PCDHGA6: variants seen among roughly 807,000 people sequenced by gnomAD.
PCDHGA6 encodes the protein protocadherin gamma-A6.
A neutral mutation model predicts 60.6 loss-of-function variants in PCDHGA6; 41 were observed. That is an observed-to-expected ratio of 0.68 (90% CI 0.53 to 0.88). PCDHGA6 has a LOEUF of 0.88. Ranked by LOEUF, PCDHGA6 falls within the 40% of genes least tolerant of loss-of-function variation. The pLI is 0.00. For synonymous variants in PCDHGA6, 594 were observed against 524.4 expected, an observed-to-expected ratio of 1.13 and a Z score of -1.81; for missense variants, 1,312 against 1,203.0, an observed-to-expected ratio of 1.09 and a Z score of -1.34.
chr5:141,464,519 A>G (rs974292961), intron 1 of PCDHGA6, among the ~76,000 whole-genome samples: 21 of 152,058 alleles, frequency 1.4e-4, no homozygotes, highest in African/African-American at 4.1e-4. Context: ...AGGTAAAGGC[A>G]TATGTAGTTT....
intron 1 of PCDHGA6, among the ~76,000 whole-genome samples, chr5:141,488,541 T>C (rs2099676694): frequency 6.6e-6 from 1 of 152,184 alleles, no homozygotes; most frequent in South Asian, 2.1e-4. Flanking sequence ...CTAAGTCCCA[T>C]GTCAGCTGAC....
chr5:141,480,429 T>C (rs72790066), intron 1 of PCDHGA6, among the ~76,000 whole-genome samples: 4 of 151,864 alleles, frequency 2.6e-5, no homozygotes, highest in African/African-American at 9.7e-5. Flanking sequence ...AAAAAAATTA[T>C]CAGCTATTAC....
Position 141,431,278 on chromosome 5 carries a change from C to A in PCDHGA6, c.2424+54771C>A, listed in dbSNP as rs755533628. On this transcript the variant is annotated intron_variant, in intron 1 of 3. Transcript: ENST00000517434. The surrounding 1 kb of genome is among the most constrained non-coding windows in gnomAD (Gnocchi z 4.8). ...ACTCTCTGCAGAGCTACGAGCTCAG[C>A]CCGAACACTCACTTCTCCCTCATCG... 6.2e-7 allele frequency: 1 copy of A among 1,614,170 alleles called. No individual in the cohort carries two copies. The highest frequency in any genetic ancestry group is 8.5e-7 in the Non-Finnish European group (1 of 1,180,038).
chr5:141,383,692 C>T (rs1779370134), intron 1 of PCDHGA6: 4 of 1,613,888 alleles, frequency 2.5e-6, no homozygotes, highest in Non-Finnish European at 2.5e-6. Flanking sequence ...GCTCACGGTA[C>T]ATGCTATCGA....
intron 1 of PCDHGA6, chr5:141,395,508 A>T: frequency 2.2e-6 from 1 of 461,184 alleles, no homozygotes. Context: ...CTTAAGAAGT[A>T]GCTACCCGTC....
At chr5:141,389,283 G>C in intron 1 of PCDHGA6, 1 of 1,614,022 alleles carries the variant, frequency 6.2e-7, no homozygotes. Flanking sequence ...CCCGCCTGGA[G>C]CCTCTATTTC....
chr5:141,408,833 A>G, intron 1 of PCDHGA6: 1 of 1,613,704 alleles, frequency 6.2e-7, no homozygotes, highest in Non-Finnish European at 8.5e-7. Context: ...TCATAGCTTG[A>G]TATTGACTGC....
chr5:141,414,306 T>A lies in PCDHGA6; in HGVS notation c.2424+37799T>A, dbSNP rs778408885. The A allele has an allele frequency of 6.2e-6, 10 of 1,613,584 alleles. No homozygotes were observed. The Admixed American group carries it at 1.2e-4, about 19-fold the overall frequency. Reference sequence around the variant, plus strand: ...TCGTAGCCCTTTTAAATGTGCATGATTTAGACTCTGAGCAGAATGGACAGG... The same window carrying A: ...TCGTAGCCCTTTTAAATGTGCATGAATTAGACTCTGAGCAGAATGGACAGG... On this transcript the variant is annotated intron_variant, in intron 1 of 3. Coordinates refer to ENST00000517434, the MANE Select transcript of PCDHGA6 (RefSeq NM_018919.3).
In PCDHGA6 at chr5:141,413,327, A is replaced by T. The variant is rs200027912; in HGVS notation, c.2424+36820A>T. ...TTAGAGAAAGGCTCTTTCGTGGGCA[A>T]CATCTCCAAGGACTTGGGTCTGGCG... On this transcript the variant is annotated intron_variant, in intron 1 of 3. Transcript: ENST00000517434. The T allele has an allele frequency of 2.6e-4, 421 of 1,613,984 alleles. 1 individual carries two copies. The highest frequency in any genetic ancestry group is 1.1e-3 in the South Asian group (96 of 91,090).
chr5:141,490,288 G>T lies in PCDHGA6; in HGVS notation c.2425-4519G>T, dbSNP rs2099698282. 1.2e-6 allele frequency: 2 copies of T among 1,614,080 alleles called. No homozygotes were observed. Among genetic ancestry groups the T allele is most frequent in the South Asian group, 1.1e-5 (1 of 91,092 alleles). On this transcript the variant is annotated intron_variant, in intron 1 of 3. Transcript: ENST00000517434. This position sits in a 1 kb window ranked among gnomAD's most constrained non-coding sequence, Gnocchi z 5.4. ...GGATGTCAATGACAATGCCCCAGAG[G>T]TGCTATTGGCCTCTTTGGCCAACCC...
intron 1 of PCDHGA6, chr5:141,419,006 A>T: frequency 6.2e-7 from 1 of 1,614,006 alleles, no homozygotes. Context: ...TGGGGAAGTC[A>T]GGTGTAGCTT....
intron 3 of PCDHGA6, 124 bp from the exon 4 acceptor site, chr5:141,510,823 C>A: frequency 6.4e-7 from 1 of 1,562,432 alleles, no homozygotes. Context: ...CCTATATTCC[C>A]AGTGCTCAGC....
At chr5:141,394,303 AG>A in intron 1 of PCDHGA6, 2 of 1,613,924 alleles carry the variant, frequency 1.2e-6, no homozygotes, top group East Asian at 2.2e-5. Context: ...GACACGCTGC[AG>A]GGGGCGCCCC....
chr5:141,410,420 C>T (rs1426515605), intron 1 of PCDHGA6: 4 of 1,613,926 alleles, frequency 2.5e-6, no homozygotes, highest in Non-Finnish European at 3.4e-6. Flanking sequence ...ACCTGTAGTT[C>T]CCCCCAACTA....
intron 2 of PCDHGA6, among the ~76,000 whole-genome samples, chr5:141,501,057 C>T (rs185929124): frequency 9.7e-4 from 147 of 151,960 alleles, no homozygotes; most frequent in African/African-American, 3.4e-3. Context: ...TTAGTAGAGA[C>T]GGGGTTTCAC....
intron 2 of PCDHGA6, among the ~76,000 whole-genome samples, chr5:141,498,543 C>T (rs2099784198): frequency 6.6e-6 from 1 of 151,870 alleles, no homozygotes; most frequent in South Asian, 2.1e-4. Flanking sequence ...CTGGTCTGGT[C>T]AGACACACCA....
At chr5:141,510,358 C>T (rs186470331) in intron 3 of PCDHGA6, among the ~76,000 whole-genome samples, 187 of 144,062 alleles carry the variant, frequency 1.3e-3, no homozygotes, top group African/African-American at 4.6e-3. Context: ...ACTAACGGAA[C>T]TACCGAATCT....
rs1289890545 is a variant in PCDHGA6, at chr5:141,414,874, C to T, written c.2424+38367C>T. ...CCAGAACGACAATGCGCCCGAGATC[C>T]TGTACCCCGCCCTCCCCACAGACGG... is the stretch of plus-strand genomic sequence containing the variant. On this transcript the variant is annotated intron_variant, in intron 1 of 3. Transcript: ENST00000517434. 3.7e-6 allele frequency: 6 copies of T among 1,614,136 alleles called. No individual in the cohort carries two copies. The African/African-American group carries it at 8.0e-5, about 22-fold the overall frequency.
chr5:141,389,818 G>T, intron 1 of PCDHGA6: 2 of 1,613,888 alleles, frequency 1.2e-6, no homozygotes, highest in Non-Finnish European at 1.7e-6. Flanking sequence ...GTCGCCGTGC[G>T]TGACGGTGGA....
Sources: gnomAD v4.1 joint callset for allele counts (sites outside exome capture counted in the v4.1 genomes callset) on GRCh38, gnomAD v4.1.1 for gene constraint, Gnocchi (gnomAD v3.1) non-coding constraint, MANE v1.5 for transcripts, NCBI Gene and HGNC (gene_info 2026-07-23, HGNC 2026-07-21) for gene names.